The following DCUN1D4 variants were observed in gnomAD, a reference collection of about 807,000 sequenced individuals.
DCUN1D4 encodes the protein DCN1-like protein 4.
DCUN1D4 carries 22 observed loss-of-function variants against 47.9 expected under a neutral mutation model. The observed-to-expected ratio is 0.46, with a 90% confidence interval of 0.33 to 0.66. The LOEUF is 0.66. Ranked by LOEUF, DCUN1D4 falls within the 30% of genes least tolerant of loss-of-function variation. DCUN1D4 has a pLI of 0.02. For synonymous variants in DCUN1D4, 121 were observed against 112.2 expected (o/e 1.08, Z -0.50); for missense variants, 301 against 340.8 (o/e 0.88, Z 0.92).
At position 51,891,742 on chromosome 4, in the gene DCUN1D4, T is replaced by C. The variant is rs1054085100; in HGVS notation, c.415-18T>C. ...TGTGTAATATATTTTTTTTTAATTGTGTATTTTTTTTTAACAGGTAGTTAT... is the reference window on the plus strand; with the variant it reads ...TGTGTAATATATTTTTTTTTAATTGCGTATTTTTTTTTAACAGGTAGTTAT... On this transcript the variant is annotated intron_variant, in intron 6 of 10. Transcript: ENST00000334635. 1.9e-6 allele frequency: 3 copies of C among 1,576,954 alleles called. No homozygotes were observed. Among genetic ancestry groups the C allele is most frequent in the Non-Finnish European group, 2.6e-6 (3 of 1,156,808 alleles).
chr4:51,887,198 T>G, intron 6 of DCUN1D4: 1 of 427,968 alleles, frequency 2.3e-6, no homozygotes, highest in African/African-American at 2.1e-5. Flanking sequence ...CCTCCCGGGT[T>G]GAAGCGATTT....
In DCUN1D4 at chr4:51,914,433, A is replaced by C. The variant is rs1489995713; in HGVS notation, c.*849A>C. 6.6e-6 allele frequency: 1 copy of C among 152,374 alleles called. No homozygotes were observed. The highest frequency in any genetic ancestry group is 1.5e-5 in the Non-Finnish European group (1 of 68,014). 9.4% of individuals were successfully genotyped at this position (152,374 alleles called of 1,614,324 possible). On this transcript the variant is annotated 3_prime_UTR_variant, in exon 11 of 11. Transcript: ENST00000334635. ...AATGCTTTCTTTGCCACTCTAAGTA[A>C]AATTTATTTCACCTCCTCAATGAAA...
At chr4:51,860,764 T>A in intron 1 of DCUN1D4, 1 of 371,724 alleles carries the variant, frequency 2.7e-6, no homozygotes, top group Non-Finnish European at 5.4e-6. Context: ...GCCCCCATGA[T>A]CCAAACACCT....
chr4:51,843,200 G>T lies in DCUN1D4; in HGVS notation c.-43G>T. 2.6e-6 allele frequency: 4 copies of T among 1,538,456 alleles called. No homozygotes were observed. Among genetic ancestry groups the T allele is most frequent in the Non-Finnish European group, 3.5e-6 (4 of 1,142,820 alleles). ...AGCTGGTGGGGGGACCGCGAGGCGA[G>T]CGCGGGAGCCTGGGCGGCGAGCCGG... is the stretch of plus-strand genomic sequence containing the variant. On this transcript the variant is annotated 5_prime_UTR_variant, in exon 1 of 11. Transcript: ENST00000334635.
chr4:51,857,608 C>T (rs141558050), intron 1 of DCUN1D4, among the ~76,000 whole-genome samples: 472 of 152,254 alleles, frequency 3.1e-3, no homozygotes, highest in Non-Finnish European at 5.6e-3. Flanking sequence ...CATATTATTG[C>T]TGATTAGAAT....
chr4:51,863,767 G>T, intron 3 of DCUN1D4, 58 bp downstream of exon 3: 7 of 1,513,222 alleles, frequency 4.6e-6, no homozygotes, highest in Non-Finnish European at 6.4e-6. Flanking sequence ...TTAGGAAAGA[G>T]AAATACTAGC....
At chr4:51,844,290 C>A in intron 1 of DCUN1D4, 1 of 964,868 alleles carries the variant, frequency 1.0e-6, no homozygotes, top group South Asian at 4.8e-5. Context: ...GGGGGGAGTC[C>A]AAGCTTCGGG....
At chr4:51,837,654 C>CAAAAAAAAAAAAAAAAAAAAA in the DCUN1D4 span, among the ~76,000 whole-genome samples, 2 of 46,182 alleles carry the variant, frequency 4.3e-5, no homozygotes, top group Non-Finnish European at 3.7e-5. Context: ...GACTCCGTCT[C>CAAAAAAAAAAAAAAAAAAAAA]AAAAAAAAAA....
At chr4:51,897,537 C>G (rs1362651412) in intron 7 of DCUN1D4, among the ~76,000 whole-genome samples, 1 of 152,076 alleles carries the variant, frequency 6.6e-6, no homozygotes, top group Non-Finnish European at 1.5e-5. Context: ...TCTTGATTCT[C>G]ATTTTTAAGG....
the DCUN1D4 span, among the ~76,000 whole-genome samples, chr4:51,837,191 CAT>C: frequency 1.3e-5 from 2 of 152,294 alleles, no homozygotes; most frequent in South Asian, 2.1e-4. Flanking sequence ...CAGAGAAGAA[CAT>C]GTGGTAATGA....
At position 51,882,251 on chromosome 4, in the gene DCUN1D4, G is replaced by A. The variant is rs188159588; in HGVS notation, c.344-4317G>A. Among the ~76,000 whole-genome samples the A allele has an allele frequency of 5.2e-3, 799 of 152,286 alleles. 2 individuals are homozygous for A. Among genetic ancestry groups the A allele is most frequent in the Non-Finnish European group, 8.2e-3 (557 of 68,036 alleles). ...GCAAAGGATACCTCAGTAGACCTTC[G>A]TTGAGGTCTGGGGTGCAGTCAGCAG... On this transcript the variant is annotated intron_variant, in intron 5 of 10. Coordinates refer to ENST00000334635, the MANE Select transcript of DCUN1D4 (RefSeq NM_001040402.3).
rs1417450416 is a variant in DCUN1D4 at position 51,875,023 on chromosome 4, CTT to C, written c.251+641_251+642del. The C allele has an allele frequency of 2.0e-5, 3 of 152,314 alleles. No individual in the cohort carries two copies. In the East Asian group the frequency reaches 5.8e-4, roughly 29 times the overall value. The allele number at this position is 152,314 out of a possible 1,614,324, so 9.4% of individuals were successfully genotyped here. ...CAACAAACGAACATCATTGTCTAGT[CTT>C]TTCTACCTTTCTCCATCTTTCCCCA... On this transcript the variant is annotated intron_variant, in intron 4 of 10. Coordinates refer to ENST00000334635, the MANE Select transcript of DCUN1D4 (RefSeq NM_001040402.3).
intron 1 of DCUN1D4, among the ~76,000 whole-genome samples, chr4:51,854,804 A>G (rs186073384): frequency 2.0e-5 from 3 of 152,220 alleles, no homozygotes; most frequent in African/African-American, 7.2e-5. Flanking sequence ...TGTTGTAGGT[A>G]CAGGTCAAGT....
chr4:51,905,859 T>C (rs953635403), intron 8 of DCUN1D4, among the ~76,000 whole-genome samples: 4 of 152,142 alleles, frequency 2.6e-5, no homozygotes, highest in African/African-American at 7.2e-5. Flanking sequence ...ATTGCAGTCC[T>C]ACCTTGATGC....
In DCUN1D4 at chr4:51,916,095, G is replaced by A. The variant is rs1734298078; in HGVS notation, c.*2511G>A. 6.6e-6 allele frequency: 1 copy of A among 152,018 alleles called. No homozygotes were observed. Among genetic ancestry groups the A allele is most frequent in the Admixed American group, 6.6e-5 (1 of 15,254 alleles). The allele number at this position is 152,018 out of a possible 1,614,324, so 9.4% of individuals were successfully genotyped here. A position where few individuals can be genotyped will look rare whatever the true frequency, so the allele number is the denominator to read the frequency against. On this transcript the variant is annotated 3_prime_UTR_variant, in exon 11 of 11. Coordinates refer to ENST00000334635, the MANE Select transcript of DCUN1D4 (RefSeq NM_001040402.3). Reference sequence around the variant, plus strand: ...AAGCACTTATTTACTGGCTAATGTTGAATAAATTAGGGTGCCTTCATCTGG... The same window carrying A: ...AAGCACTTATTTACTGGCTAATGTTAAATAAATTAGGGTGCCTTCATCTGG...
rs1383039153 is a variant in DCUN1D4, at chr4:51,899,141, T to A, written c.507-129T>A. 2.2e-6 allele frequency: 3 copies of A among 1,371,782 alleles called. No homozygotes were observed. In the African/African-American group the frequency reaches 4.5e-5, roughly 21 times the overall value. 85.0% of individuals were successfully genotyped at this position (1,371,782 alleles called of 1,614,324 possible). A position where few individuals can be genotyped will look rare whatever the true frequency, so the allele number is the denominator to read the frequency against. ...AAATTTTTTTTAAGTGTAGAAAAAA[T>A]AGGTTATGGATGTGTTTCAACTTCA... On this transcript the variant is annotated intron_variant, in intron 7 of 10. Coordinates refer to ENST00000334635, the MANE Select transcript of DCUN1D4 (RefSeq NM_001040402.3).
chr4:51,868,139 G>T (rs1726266291), intron 3 of DCUN1D4, among the ~76,000 whole-genome samples: 1 of 152,246 alleles, frequency 6.6e-6, no homozygotes, highest in Non-Finnish European at 1.5e-5. Context: ...ATGCCAGGAA[G>T]TGGGAGCAGT....
chr4:51,902,523 A>T (rs1732273629), intron 8 of DCUN1D4, among the ~76,000 whole-genome samples: 3 of 152,206 alleles, frequency 2.0e-5, no homozygotes, highest in Admixed American at 2.0e-4. Context: ...AATATTCCTT[A>T]TATTGAAGTC....
chr4:51,849,314 G>T (rs1001054606), intron 1 of DCUN1D4, among the ~76,000 whole-genome samples: 2 of 152,176 alleles, frequency 1.3e-5, no homozygotes, highest in South Asian at 4.1e-4. Context: ...AGTTGTTGCT[G>T]CAATGATGAT....
Sources: gnomAD v4.1 joint callset for allele counts (sites outside exome capture counted in the v4.1 genomes callset) on GRCh38, gnomAD v4.1.1 for gene constraint, MANE v1.5 for transcripts, NCBI Gene and HGNC (gene_info 2026-07-23, HGNC 2026-07-21) for gene names.